LAIR1: variants seen among roughly 807,000 people sequenced by gnomAD.
LAIR1 encodes the protein leukocyte associated immunoglobulin like receptor 1, also known as leukocyte-associated immunoglobulin-like receptor 1.
A neutral mutation model predicts 32.8 loss-of-function variants in LAIR1; 24 were observed. The observed-to-expected ratio is 0.73, with a 90% CI of 0.53 to 1.03. The LOEUF is 1.03. Ranked by LOEUF, LAIR1 falls within the 50% of genes least tolerant of loss-of-function variation. The probability of loss-of-function intolerance (pLI) is 0.00; values close to 1 mark genes in which losing one functional copy is unlikely to be tolerated. For synonymous variants in LAIR1, 150 were observed against 140.5 expected, an observed-to-expected ratio of 1.07 and a Z score of -0.48; for missense variants, 355 against 347.5, an observed-to-expected ratio of 1.02 and a Z score of -0.17.
At chr19:54,361,928 G>C (rs891658437) in intron 2 of LAIR1, among the ~76,000 whole-genome samples, 3 of 151,878 alleles carry the variant, frequency 2.0e-5, no homozygotes, top group African/African-American at 7.3e-5. Context: ...GAGGAAGGGC[G>C]GGTTTGACGC....
Position 54,364,761 on chromosome 19 carries a change from C to T in LAIR1, c.34+10G>A, listed in dbSNP as rs1255843887. On this transcript the variant is annotated intron_variant, in intron 1 of 9. Coordinates refer to ENST00000391742, the MANE Select transcript of LAIR1 (RefSeq NM_002287.6). The surrounding 1 kb of genome is among the most constrained non-coding windows in gnomAD (Gnocchi z 4.8). ...CCCTTTCCAGCCTCCCGGCTGCCTCCAGGACTCACCTAGGCCCAGGAGGGC... is the reference window on the plus strand; with the variant it reads ...CCCTTTCCAGCCTCCCGGCTGCCTCTAGGACTCACCTAGGCCCAGGAGGGC... 4.3e-6 allele frequency: 7 copies of T among 1,612,878 alleles called. No homozygotes were observed. The highest frequency in any genetic ancestry group is 3.3e-5 in the Admixed American group (2 of 59,942).
intron 5 of LAIR1, 93 bp from the exon 6 acceptor site, chr19:54,356,712 T>A: frequency 7.6e-7 from 1 of 1,321,420 alleles, no homozygotes; most frequent in Non-Finnish European, 1.1e-6. Flanking sequence ...ATAGACTTAC[T>A]AATATATAAA....
upstream of LAIR1, among the ~76,000 whole-genome samples, chr19:54,371,222 CT>C (rs2082398201): frequency 6.6e-6 from 1 of 151,378 alleles, no homozygotes; most frequent in African/African-American, 2.5e-5. Flanking sequence ...TTCCCTTGCA[CT>C]TTTGTAAATA....
upstream of LAIR1, chr19:54,368,684 G>GATTTATTTATTTATTT (rs79267770): frequency 1.9e-3 from 294 of 151,502 alleles, 1 homozygote; most frequent in Middle Eastern, 6.8e-3. Flanking sequence ...TTTGTTGACT[G>GATTTATTTATTTATTT]ATTTATTTAT....
chr19:54,366,502 T>C (rs1227610240), upstream of LAIR1, among the ~76,000 whole-genome samples: 2 of 152,156 alleles, frequency 1.3e-5, no homozygotes, highest in African/African-American at 4.8e-5. Flanking sequence ...TCTTTTCTTT[T>C]TTTTTAAACG....
intron 2 of LAIR1, among the ~76,000 whole-genome samples, chr19:54,363,254 G>C (rs1381313848): frequency 4.6e-5 from 7 of 151,840 alleles, no homozygotes; most frequent in Non-Finnish European, 7.4e-5. Context: ...TCGATGAAGA[G>C]AGAGGGAAAG....
Position 54,356,062 on chromosome 19 carries a change from G to T in LAIR1, c.665-56C>A, listed in dbSNP as rs1434185518. 6 of 1,419,922 alleles carry T rather than the reference G, an allele frequency of 4.2e-6. No homozygotes were observed. The African/African-American group carries it at 4.2e-5, about 10-fold the overall frequency. 88.0% of individuals were successfully genotyped at this position (1,419,922 alleles called of 1,614,324 possible). On this transcript the variant is annotated intron_variant, in intron 8 of 9. Coordinates refer to ENST00000391742, the MANE Select transcript of LAIR1 (RefSeq NM_002287.6). Reference sequence around the variant, plus strand: ...GGGGAGGATGTCGCAAGGCAAATCTGCCTGAGACCCCCACCCCCAGCTTCC... The same window carrying T: ...GGGGAGGATGTCGCAAGGCAAATCTTCCTGAGACCCCCACCCCCAGCTTCC...
At chr19:54,359,196 G>C (rs1287764153) in intron 4 of LAIR1, among the ~76,000 whole-genome samples, 1 of 150,644 alleles carries the variant, frequency 6.6e-6, no homozygotes, top group Non-Finnish European at 1.5e-5. Context: ...CAGTCACCGG[G>C]TCTAGGTCCA....
Position 54,352,386 on chromosome 19 carries a change from C to A in LAIR1, c.*2882G>T, listed in dbSNP as rs1167999969. ...CCCAGGTGGTGCTTGGGGGCCCGTG[C>A]AGCAGGAGGGACATCTTCTCCGCAC... On this transcript the variant is annotated 3_prime_UTR_variant, in exon 10 of 10. Transcript: ENST00000391742. The A allele has an allele frequency of 6.5e-6, 1 of 153,818 alleles. No homozygotes were observed. The highest frequency in any genetic ancestry group is 6.5e-5 in the Admixed American group (1 of 15,270). The allele number at this position is 153,818 out of a possible 1,614,324, so 9.5% of individuals were successfully genotyped here. A position where few individuals can be genotyped will look rare whatever the true frequency, so the allele number is the denominator to read the frequency against.
At chr19:54,366,258 G>A (rs917942241), upstream of LAIR1, among the ~76,000 whole-genome samples, 1 of 152,200 alleles carries the variant, frequency 6.6e-6, no homozygotes, top group Non-Finnish European at 1.5e-5. Flanking sequence ...CCCGGAGGAA[G>A]ACAGGAAGAG....
rs1158038636 is a variant in LAIR1 at position 54,355,713 on chromosome 19, G to T, written c.717+241C>A. Among the ~76,000 whole-genome samples the T allele has an allele frequency of 1.3e-5, 2 of 152,166 alleles. No homozygotes were observed. The highest frequency in any genetic ancestry group is 2.9e-5 in the Non-Finnish European group (2 of 68,030). Reference sequence around the variant, plus strand: ...AAGCCGGCTGTGTGGAGAGGCCCCTGTGAGAGGAACAGAGGTTTCCTGCCC... The same window carrying T: ...AAGCCGGCTGTGTGGAGAGGCCCCTTTGAGAGGAACAGAGGTTTCCTGCCC... On this transcript the variant is annotated intron_variant, in intron 9 of 9. Coordinates refer to ENST00000391742, the MANE Select transcript of LAIR1 (RefSeq NM_002287.6). The surrounding 1 kb of genome is among the most constrained non-coding windows in gnomAD (Gnocchi z 4.7).
At position 54,352,224 on chromosome 19, in the gene LAIR1, GGC is replaced by G. The variant is rs964987461; in HGVS notation, c.*3042_*3043del. 15 of 153,700 alleles carry G rather than the reference GGC, an allele frequency of 9.8e-5. No individual in the cohort carries two copies. Among genetic ancestry groups the G allele is most frequent in the African/African-American group, 3.1e-4 (13 of 41,408 alleles). The allele number at this position is 153,700 out of a possible 1,614,324, so 9.5% of individuals were successfully genotyped here. A position where few individuals can be genotyped will look rare whatever the true frequency, so the allele number is the denominator to read the frequency against. Reference sequence around the variant, plus strand: ...GAGGCTGCTCCTCCCTTTCACGTTGGGCCCCACTGCAGCCTCCTGGTGTTCAC... The same window carrying G: ...GAGGCTGCTCCTCCCTTTCACGTTGGCCCACTGCAGCCTCCTGGTGTTCAC... On this transcript the variant is annotated 3_prime_UTR_variant, in exon 10 of 10. Transcript: ENST00000391742.
upstream of LAIR1, chr19:54,365,178 T>G: frequency 1.7e-6 from 1 of 581,720 alleles, no homozygotes; most frequent in Non-Finnish European, 2.3e-6. Flanking sequence ...GTCGCAGCTC[T>G]TGGGCAAGAC....
rs533355880 is a variant in LAIR1, at chr19:54,356,234, T to C, written c.660A>G (p.Thr220=). Residue 220 remains threonine (T), a synonymous_variant, in exon 8 of 10, where the codon ACA becomes ACG. Coordinates refer to ENST00000391742, the MANE Select transcript of LAIR1 (RefSeq NM_002287.6). ...PDLAVDVLER[T]ADKATVNGLP... ...TCCCTCCTCCTCCCCCTTTACCTGC[T>C]GTCCTCTCTAGAACATCAACAGCCA... 5.6e-6 allele frequency: 9 copies of C among 1,612,774 alleles called. No individual in the cohort carries two copies. In the South Asian group the frequency reaches 7.7e-5, roughly 14 times the overall value.
At chr19:54,372,491 CTTTTTTTT>C (rs35628063), upstream of LAIR1, among the ~76,000 whole-genome samples, 2 of 131,548 alleles carry the variant, frequency 1.5e-5, no homozygotes. Context: ...TTCTTTCTTT[CTTTTTTTT>C]TTTTTTTTTG....
At chr19:54,363,415 A>G (rs1482126385) in intron 2 of LAIR1, among the ~76,000 whole-genome samples, 1 of 151,996 alleles carries the variant, frequency 6.6e-6, no homozygotes, top group African/African-American at 2.4e-5. Context: ...TCGTCTGGGG[A>G]AAAGTGCCGG....
chr19:54,356,702 A>G (rs1030902074), intron 5 of LAIR1, 83 bp from the exon 6 acceptor site: 2 of 1,375,418 alleles, frequency 1.5e-6, no homozygotes, highest in Admixed American at 3.5e-5. Flanking sequence ...CGTGCGTTTC[A>G]TAGACTTACT....
chr19:54,363,116 G>T (rs2082104027), intron 2 of LAIR1, among the ~76,000 whole-genome samples: 1 of 152,050 alleles, frequency 6.6e-6, no homozygotes. Context: ...TCATGGTTGT[G>T]CTTTTGCAAA....
chr19:54,371,724 G>A (rs8103935), upstream of LAIR1, among the ~76,000 whole-genome samples: 13,356 of 151,470 alleles, frequency 0.088, 2,179 homozygotes, highest in African/African-American at 0.29. Flanking sequence ...CAAAATTCCT[G>A]TCTTTACCCA....
Sources: gnomAD v4.1 joint callset for allele counts (sites outside exome capture counted in the v4.1 genomes callset) on GRCh38, gnomAD v4.1.1 for gene constraint, Gnocchi (gnomAD v3.1) non-coding constraint, MANE v1.5 for transcripts, NCBI Gene and HGNC (gene_info 2026-07-23, HGNC 2026-07-21) for gene names.